PRPF31: variants seen among roughly 807,000 people sequenced by gnomAD.
PRPF31 encodes U4/U6 small nuclear ribonucleoprotein Prp31.
In PRPF31, 12 loss-of-function variants were observed where a neutral mutation model predicts 60.4. The observed-to-expected ratio is 0.20, with a 90% CI of 0.13 to 0.32. The LOEUF is 0.32. PRPF31 is among the 10% of genes least tolerant of loss of function. The pLI is 1.00. For synonymous variants in PRPF31, 287 were observed against 287.9 expected (o/e 1.00, Z 0.03); for missense variants, 431 against 687.1 (o/e 0.63, Z 4.17).
chr19:54,125,675 C>T (rs2073904056), intron 8 of PRPF31, among the ~76,000 whole-genome samples: 1 of 152,148 alleles, frequency 6.6e-6, no homozygotes, highest in Non-Finnish European at 1.5e-5. Flanking sequence ...CTTCCTGGCC[C>T]CACCCCCCAG....
At position 54,131,592 on chromosome 19, in the gene PRPF31, C is replaced by T. The variant is rs748882420; in HGVS notation, c.*160C>T. On this transcript the variant is annotated 3_prime_UTR_variant, in exon 14 of 14. Transcript: ENST00000321030. ...AGGCCTTGGAAGAGTCCGGCCTGGC[C>T]TCCCCCAGGACCGAGATCACCGCCC... 6 of 1,139,446 alleles carry T rather than the reference C, an allele frequency of 5.3e-6. No homozygotes were observed. The highest frequency in any genetic ancestry group is 2.0e-5 in the Admixed American group (1 of 49,802). 70.6% of individuals were successfully genotyped at this position (1,139,446 alleles called of 1,614,324 possible). A position where few individuals can be genotyped will look rare whatever the true frequency, so the allele number is the denominator to read the frequency against.
intron 6 of PRPF31, 72 bp downstream of exon 6, chr19:54,123,632 G>C: frequency 1.2e-6 from 2 of 1,605,550 alleles, no homozygotes; most frequent in South Asian, 1.1e-5. Flanking sequence ...ACACGCAGGT[G>C]TACACACGCA....
chr19:54,129,052 C>T lies in PRPF31; in HGVS notation c.1147-5C>T, dbSNP rs587757028. On this transcript the variant is annotated splice_polypyrimidine_tract_variant and splice_region_variant and intron_variant, in intron 11 of 13. Transcript: ENST00000321030. ...GAACTGCAGGGCGCCTCCTCTCCCCCCTAGATCGAGGAGGACGCCTACCAG... is the reference window on the plus strand; with the variant it reads ...GAACTGCAGGGCGCCTCCTCTCCCCTCTAGATCGAGGAGGACGCCTACCAG... 1.8e-5 allele frequency: 29 copies of T among 1,568,270 alleles called. No homozygotes were observed. Among genetic ancestry groups the T allele is most frequent in the South Asian group, 1.3e-4 (11 of 85,354 alleles).
In PRPF31 at chr19:54,126,607, C is replaced by A; in HGVS notation, c.935C>A (p.Thr312Lys). 6.2e-7 allele frequency: 1 copy of A among 1,613,686 alleles called. No individual in the cohort carries two copies. Among genetic ancestry groups the A allele is most frequent in the Non-Finnish European group, 8.5e-7 (1 of 1,179,866 alleles). The change falls in exon 9 of 14, where the codon ACA becomes AAA. Residue 312 changes from threonine to lysine, a missense_variant. This residue lies in a region of PRPF31 where 314 missense variants were observed against 475.3 expected (regional missense o/e 0.66). Coordinates refer to ENST00000321030, the MANE Select transcript of PRPF31 (RefSeq NM_015629.4). ...AARVDSFHES[T>K]EGKVGYELKD... is the part of the protein sequence containing the mutation. ...CGTGTGGACAGTTTCCACGAGAGCA[C>A]AGAAGGGAAGGTGAGGAGGGAAAGG...
chr19:54,124,418 G>A (rs889972871), intron 7 of PRPF31, 81 bp from the exon 8 acceptor site: 39 of 1,258,750 alleles, frequency 3.1e-5, no homozygotes, highest in Non-Finnish European at 4.0e-5. Flanking sequence ...AGCACACGTC[G>A]AGCCCCCAGG....
rs975526285 is a variant in PRPF31 at position 54,126,531 on chromosome 19, C to G, written c.859C>G (p.Leu287Val). Residue 287 changes from leucine (L) to valine (V), a missense_variant, in exon 9 of 14, where the codon CTG becomes GTG. Around this residue, in one of 4 missense-constraint regions of PRPF31, gnomAD observed 314 missense variants for 475.3 expected, o/e 0.66. Coordinates refer to ENST00000321030, the MANE Select transcript of PRPF31 (RefSeq NM_015629.4). ...SDIVQSLPPD[L>V]RRKAARLVAA... is the part of the protein sequence containing the mutation. The stretch of plus-strand genomic sequence containing the variant: ...CCCCCGTTTTCCGTTGCTCCAGGAT[C>G]TGCGGCGGAAAGCGGCCCGGCTGGT... 1.9e-6 allele frequency: 3 copies of G among 1,613,136 alleles called. No individual in the cohort carries two copies. Among genetic ancestry groups the G allele is most frequent in the Non-Finnish European group, 2.5e-6 (3 of 1,179,676 alleles).
At chr19:54,127,188 T>A (rs1172509525) in intron 9 of PRPF31, among the ~76,000 whole-genome samples, 1 of 152,164 alleles carries the variant, frequency 6.6e-6, no homozygotes, top group Non-Finnish European at 1.5e-5. Context: ...CAAAATGAGT[T>A]TCACTGGGCT....
At chr19:54,122,280 CA>C (rs763342172) in intron 4 of PRPF31, 72 of 661,468 alleles carry the variant, frequency 1.1e-4, no homozygotes, top group Non-Finnish European at 1.8e-4. Flanking sequence ...TCTTTAAGAA[CA>C]TGTCACTGCA....
intron 8 of PRPF31, 155 bp downstream of exon 8, chr19:54,124,811 C>T: frequency 1.2e-6 from 1 of 865,286 alleles, no homozygotes; most frequent in South Asian, 1.5e-5. Context: ...CAGGGCTCTG[C>T]AGCAGACCAG....
At chr19:54,126,389 A>G (rs377116764) in intron 8 of PRPF31, 139 bp from the exon 9 acceptor site, 8 of 759,592 alleles carry the variant, frequency 1.1e-5, no homozygotes, top group African/African-American at 8.6e-5. Context: ...CTGAGAGCAC[A>G]CACCTCTAGA....
chr19:54,121,148 A>G (rs1257602485), intron 3 of PRPF31, among the ~76,000 whole-genome samples: 1 of 151,884 alleles, frequency 6.6e-6, no homozygotes, highest in Non-Finnish European at 1.5e-5. Flanking sequence ...AAACAAACAA[A>G]AAAAATTAGC....
Position 54,124,581 on chromosome 19 carries a change from G to C in PRPF31, c.780G>C (p.Ser260=). ...TCGGGGCCCAGCGCAAGACGCTGTC[G>C]GGCTTCTCGTCTACCTCAGTGCTGC... ...MLLGAQRKTL[S]GFSSTSVLPH... Residue 260 remains serine, a synonymous_variant, in exon 8 of 14, where the codon TCG becomes TCC. Coordinates refer to ENST00000321030, the MANE Select transcript of PRPF31 (RefSeq NM_015629.4). The C allele has an allele frequency of 6.2e-7, 1 of 1,613,394 alleles. No homozygotes were observed.
chr19:54,121,733 C>T, intron 3 of PRPF31, 127 bp from the exon 4 acceptor site: 2 of 846,754 alleles, frequency 2.4e-6, no homozygotes, highest in East Asian at 2.6e-5. Context: ...ATCAGCCTGT[C>T]CCTGGTTTAC....
intron 3 of PRPF31, among the ~76,000 whole-genome samples, chr19:54,121,515 A>C (rs1259603571): frequency 6.6e-6 from 1 of 152,098 alleles, no homozygotes; most frequent in Non-Finnish European, 1.5e-5. Context: ...GGTACAGCCA[A>C]CGCAGGCACA....
intron 5 of PRPF31, chr19:54,123,080 G>C (rs2073832964): frequency 2.1e-6 from 1 of 471,638 alleles, no homozygotes; most frequent in East Asian, 4.1e-5. Flanking sequence ...GGGGAGAGGA[G>C]GAGGTCCCCA....
chr19:54,128,434 C>A (rs2073973457), intron 11 of PRPF31, 57 bp downstream of exon 11: 2 of 1,485,734 alleles, frequency 1.3e-6, no homozygotes, highest in South Asian at 2.4e-5. Flanking sequence ...CCACCGCCCT[C>A]TGCCTCCTGC....
intron 13 of PRPF31, among the ~76,000 whole-genome samples, chr19:54,130,316 C>T (rs113810324): frequency 3.9e-4 from 50 of 129,134 alleles, no homozygotes; most frequent in Middle Eastern, 5.1e-3. Context: ...CAGTAAGATG[C>T]CCAGTGTAGT....
At chr19:54,118,934 C>T (rs587601380) in intron 3 of PRPF31, 11 of 451,054 alleles carry the variant, frequency 2.4e-5, no homozygotes, top group Admixed American at 1.2e-4. Flanking sequence ...ATCTATAAGC[C>T]GCTTATCCTA....
intron 11 of PRPF31, among the ~76,000 whole-genome samples, 181 bp downstream of exon 11, chr19:54,128,558 G>A (rs1255569696): frequency 8.6e-6 from 1 of 116,380 alleles, no homozygotes; most frequent in South Asian, 2.6e-4. Context: ...AGCGACCCTC[G>A]CGACCCTTGG....
Sources: gnomAD v4.1 joint callset for allele counts (sites outside exome capture counted in the v4.1 genomes callset) on GRCh38, gnomAD v4.1.1 for gene constraint, gnomAD v4.1.1 regional missense constraint, MANE v1.5 for transcripts, NCBI Gene and HGNC (gene_info 2026-07-23, HGNC 2026-07-21) for gene names.